The following CNGB1 variants were observed in gnomAD, a reference collection of about 807,000 sequenced individuals.
The protein encoded by CNGB1 is cyclic nucleotide gated channel subunit beta 1.
CNGB1 carries 126 observed loss-of-function variants against 151.7 expected under a neutral mutation model. The observed-to-expected ratio is 0.83, with a 90% CI of 0.72 to 0.96. The LOEUF (loss-of-function observed/expected upper bound fraction) is 0.96. CNGB1 is among the 40% of genes least tolerant of loss of function. The pLI is 0.00. For missense variants in CNGB1, 1,698 were observed against 1,627.0 expected (o/e 1.04, Z -0.75); for synonymous variants, 623 against 635.1 (o/e 0.98, Z 0.29).
chr16:57,957,487 G>T, intron 11 of CNGB1, 110 bp from the exon 12 acceptor site: 1 of 886,004 alleles, frequency 1.1e-6, no homozygotes, highest in Non-Finnish European at 1.9e-6. Flanking sequence ...CCGGGCCTTA[G>T]TTGTCCCATG....
intron 12 of CNGB1, 29 bp from the exon 13 acceptor site, chr16:57,950,569 T>G (rs1961923249): frequency 6.2e-7 from 1 of 1,613,412 alleles, no homozygotes; most frequent in Admixed American, 1.7e-5. Context: ...GAGCCATTTA[T>G]GGGATGTGCG....
chr16:57,953,493 T>TAAA (rs61409577), intron 12 of CNGB1, among the ~76,000 whole-genome samples: 37 of 122,788 alleles, frequency 3.0e-4, no homozygotes, highest in African/African-American at 7.5e-4. Flanking sequence ...GGCTCAATCT[T>TAAA]AAAAAAAAAA....
chr16:57,953,388 G>A (rs904824496), intron 12 of CNGB1, among the ~76,000 whole-genome samples: 1 of 151,842 alleles, frequency 6.6e-6, no homozygotes, highest in Non-Finnish European at 1.5e-5. Flanking sequence ...CTAGCTACTA[G>A]GGAGGCTGAG....
chr16:57,920,315 T>C lies in CNGB1; in HGVS notation c.1801+72A>G, dbSNP rs188499214. ...CATTTCCTTGGGGCCACCCTTGCCATGAGTTGACAGGGAACTTTGGAGGCC... is the reference window on the plus strand; with the variant it reads ...CATTTCCTTGGGGCCACCCTTGCCACGAGTTGACAGGGAACTTTGGAGGCC... On this transcript the variant is annotated intron_variant, in intron 19 of 32. Coordinates refer to ENST00000251102, the MANE Select transcript of CNGB1 (RefSeq NM_001297.5). 54 of 1,561,746 alleles carry C rather than the reference T, an allele frequency of 3.5e-5. 1 individual carries two copies. In the East Asian group the frequency reaches 6.5e-4, roughly 19 times the overall value.
intron 10 of CNGB1, among the ~76,000 whole-genome samples, chr16:57,958,710 C>A (rs548616517): frequency 3.5e-4 from 51 of 145,932 alleles, no homozygotes; most frequent in Non-Finnish European, 7.4e-4. Flanking sequence ...GGCCTCCCCC[C>A]ACCCTCCCAC....
chr16:57,902,468 T>C (rs1567368523), intron 27 of CNGB1, among the ~76,000 whole-genome samples: 5 of 151,996 alleles, frequency 3.3e-5, no homozygotes, highest in African/African-American at 1.2e-4. Flanking sequence ...CCTGAAAAGC[T>C]AAAAAAAATT....
At chr16:57,912,648 G>A (rs557242604) in intron 24 of CNGB1, among the ~76,000 whole-genome samples, 11 of 151,136 alleles carry the variant, frequency 7.3e-5, no homozygotes, top group African/African-American at 2.4e-4. Flanking sequence ...CACTGCATGT[G>A]TTGTGTGTTG....
chr16:57,918,499 G>A (rs147603871), intron 20 of CNGB1, among the ~76,000 whole-genome samples: 19 of 152,276 alleles, frequency 1.2e-4, no homozygotes, highest in African/African-American at 3.9e-4. Flanking sequence ...GAAGCAAGAG[G>A]AATTCACATT....
rs1284029878 is a variant in CNGB1, at chr16:57,939,494, C to T, written c.1308G>A (p.Glu436=). The change falls in exon 16 of 33, where the codon GAG becomes GAA. Residue 436 remains glutamate (E), a synonymous_variant. Transcript: ENST00000251102. ...CCTTGGTCTCCGCCCAGTCCTGGGG[C>T]TCCTTTTCAGCCTCCTCTTCAGCCA... ...EEVAEEEAEK[E]PQDWAETKEE... 1.2e-6 allele frequency: 2 copies of T among 1,614,000 alleles called. No homozygotes were observed. The highest frequency in any genetic ancestry group is 2.7e-5 in the African/African-American group (2 of 74,930).
In CNGB1 at chr16:57,901,534, G is replaced by C; in HGVS notation, c.2886C>G (p.Leu962=). The change falls in exon 28 of 33, where the codon CTC becomes CTG. Residue 962 remains leucine (L), a synonymous_variant. Coordinates refer to ENST00000251102, the MANE Select transcript of CNGB1 (RefSeq NM_001297.5). The part of the protein sequence containing the change: ...VNYNIVSKVA[L]FQGCDRQMIF... ...AGGGCACCAAAAGGTGTACCTGAAA[G>C]AGTGCGACTTTGCTAACGATGTTGT... 6.2e-7 allele frequency: 1 copy of C among 1,614,214 alleles called. No individual in the cohort carries two copies. Among genetic ancestry groups the C allele is most frequent in the Non-Finnish European group, 8.5e-7 (1 of 1,180,010 alleles).
At chr16:57,888,171 G>A in intron 31 of CNGB1, 97 bp from the exon 32 acceptor site, 1 of 1,331,180 alleles carries the variant, frequency 7.5e-7, no homozygotes, top group African/African-American at 1.4e-5. Flanking sequence ...CTGTGTAGTG[G>A]TGGTGATTTT....
chr16:57,904,724 G>A lies in CNGB1; in HGVS notation c.2634+10C>T, dbSNP rs752889110. The A allele has an allele frequency of 2.5e-6, 4 of 1,614,004 alleles. No homozygotes were observed. The highest frequency in any genetic ancestry group is 1.7e-5 in the Admixed American group (1 of 60,024). ...AGGTGGGGTGGGAAGCTGGGCTGGT[G>A]CCCCGATACCTGTCCGATCATCACA... is the stretch of plus-strand genomic sequence containing the variant. On this transcript the variant is annotated intron_variant, in intron 26 of 32. Coordinates refer to ENST00000251102, the MANE Select transcript of CNGB1 (RefSeq NM_001297.5).
At chr16:57,911,245 G>T (rs1960701695) in intron 25 of CNGB1, among the ~76,000 whole-genome samples, 1 of 152,208 alleles carries the variant, frequency 6.6e-6, no homozygotes, top group African/African-American at 2.4e-5. Flanking sequence ...ACATGCAGGT[G>T]CTCAGGAAAC....
chr16:57,942,398 T>C (rs753546395), intron 14 of CNGB1, among the ~76,000 whole-genome samples: 15 of 151,746 alleles, frequency 9.9e-5, no homozygotes, highest in Non-Finnish European at 1.9e-4. Flanking sequence ...GGATATAAAA[T>C]CAACATAGAA....
chr16:57,957,375 C>T lies in CNGB1; in HGVS notation c.840G>A (p.Glu280=), dbSNP rs1485311588. The T allele has an allele frequency of 2.5e-6, 4 of 1,613,970 alleles. No homozygotes were observed. Among genetic ancestry groups the T allele is most frequent in the African/African-American group, 2.7e-5 (2 of 74,936 alleles). Residue 280 remains glutamate (E), a splice_region_variant and synonymous_variant, in exon 12 of 33, where the codon GAG becomes GAA. Coordinates refer to ENST00000251102, the MANE Select transcript of CNGB1 (RefSeq NM_001297.5). The stretch of plus-strand genomic sequence containing the variant: ...CATCACATATCCCAGGGGAGTCAGG[C>T]TCCTGCATGGAGAGAGAAAAAAGGG... ...PVLHGKIGEQ[E]PDSPGICDVQ...
chr16:57,902,162 C>T (rs1392931584), intron 27 of CNGB1, among the ~76,000 whole-genome samples: 1 of 152,106 alleles, frequency 6.6e-6, no homozygotes, highest in Non-Finnish European at 1.5e-5. Flanking sequence ...CCTCCACCTC[C>T]CTAGTACAAG....
rs750517469 is a variant in CNGB1, at chr16:57,901,380, T to A, written c.2948A>T (p.Tyr983Phe). The A allele has an allele frequency of 1.2e-6, 2 of 1,614,022 alleles. No individual in the cohort carries two copies. Among genetic ancestry groups the A allele is most frequent in the Non-Finnish European group, 1.7e-6 (2 of 1,180,016 alleles). Residue 983 changes from tyrosine to phenylalanine, a missense_variant, in exon 29 of 33, where the codon TAC (tyrosine) becomes TTC (phenylalanine). Tyr to Phe is a conservative substitution (Grantham distance 22). Transcript: ENST00000251102. Reference sequence around the variant, plus strand: ...CTTGCACACATAGTCGTTGGGCAGGTAGACAACAGAGCGAAGCCTCTTCAG... The same window carrying A: ...CTTGCACACATAGTCGTTGGGCAGGAAGACAACAGAGCGAAGCCTCTTCAG... ...DMLKRLRSVV[Y>F]LPNDYVCKKG...
Position 57,903,740 on chromosome 16 carries a change from G to A in CNGB1, c.2794+82C>T, listed in dbSNP as rs539864209. On this transcript the variant is annotated intron_variant, in intron 27 of 32. Coordinates refer to ENST00000251102, the MANE Select transcript of CNGB1 (RefSeq NM_001297.5). ...CCTCAGAGACACAGAGGACGAGGGA[G>A]GCGCCCCGAAGGCATGGCACCGGGC... The A allele has an allele frequency of 2.4e-4, 364 of 1,516,332 alleles. 1 individual carries two copies. The South Asian group carries it at 3.1e-3, about 13-fold the overall frequency. 93.9% of individuals were successfully genotyped at this position (1,516,332 alleles called of 1,614,324 possible).
Position 57,964,538 on chromosome 16 carries a change from C to T in CNGB1, c.166G>A (p.Glu56Lys), listed in dbSNP as rs772006490. The change falls in exon 3 of 33, where the codon GAA becomes AAA. Residue 56 changes from glutamate (E) to lysine (K), a missense_variant. Transcript: ENST00000251102. ...AETESESMPP[E>K]ESFKEEEVAV... ...ACTTCCTCCTCCTTGAATGACTCTT[C>T]GGGGGGCTAGAGGGTTCGAACAGGA... The T allele has an allele frequency of 8.7e-6, 14 of 1,611,310 alleles. No individual in the cohort carries two copies. Among genetic ancestry groups the T allele is most frequent in the Middle Eastern group, 1.7e-4 (1 of 6,056 alleles).
Sources: allele counts gnomAD v4.1 joint callset (sites outside exome capture counted in the v4.1 genomes callset), GRCh38; gene constraint gnomAD v4.1.1; transcripts MANE v1.5; gene names NCBI Gene and HGNC (gene_info 2026-07-23, HGNC 2026-07-21).